The following PCDHA13 variants were observed in gnomAD, a reference collection of about 807,000 sequenced individuals.
The protein encoded by PCDHA13 is protocadherin alpha-13.
PCDHA13 carries 54 observed loss-of-function variants against 64.8 expected under a neutral mutation model. The ratio of observed to expected loss-of-function variants is 0.83; its 90% confidence interval spans 0.67 to 1.04. PCDHA13 has a LOEUF of 1.04. Among genes scored for constraint, PCDHA13 ranks in the 50% least tolerant of loss-of-function variants. The probability of loss-of-function intolerance (pLI) is 0.00; values close to 1 mark genes in which losing one functional copy is unlikely to be tolerated. For missense variants in PCDHA13, 1,248 were observed against 1,254.3 expected (o/e 0.99, Z 0.08); for synonymous variants, 587 against 564.4 (o/e 1.04, Z -0.57).
chr5:140,997,668 T>TTGTGTGTG lies in PCDHA13; in HGVS notation c.2543-11937_2543-11930dup, dbSNP rs35184029. 2.7e-3 allele frequency among the ~76,000 whole-genome samples: 400 copies of TTGTGTGTG among 148,342 alleles called. 5 individuals carry two copies. The East Asian group carries it at 0.038, about 14-fold the overall frequency. The stretch of plus-strand genomic sequence containing the variant: ...AATGCAATATGTATTATTATACAGC[T>TTGTGTGTG]TGTGTGTGTGTGTGTGTGTGTGTGT... On this transcript the variant is annotated intron_variant, in intron 3 of 3. Transcript: ENST00000289272.
chr5:140,883,503 C>T lies in PCDHA13; in HGVS notation c.1235C>T (p.Ala412Val), dbSNP rs782604086. 4.3e-6 allele frequency: 7 copies of T among 1,614,204 alleles called. No individual in the cohort carries two copies. Among genetic ancestry groups the T allele is most frequent in the Non-Finnish European group, 5.9e-6 (7 of 1,180,052 alleles). ...KNYYSLVLDS[A>V]LDRESVSAYE... ...TACTACTCATTAGTGCTGGACAGCG[C>T]CCTGGACCGCGAGAGCGTATCAGCC... Residue 412 changes from alanine to valine, a missense_variant, in exon 1 of 4, where the codon GCC (alanine) becomes GTC (valine). By Grantham distance (64) the Ala-to-Val change is moderately conservative. Coordinates refer to ENST00000289272, the MANE Select transcript of PCDHA13 (RefSeq NM_018904.3).
intron 1 of PCDHA13, among the ~76,000 whole-genome samples, chr5:140,950,672 C>A (rs76583571): frequency 0.016 from 2,473 of 152,120 alleles, 63 homozygotes; most frequent in African/African-American, 0.055. Context: ...CAAACATGTA[C>A]ATGTATATTG....
At chr5:140,946,976 G>A (rs2094064804) in intron 1 of PCDHA13, among the ~76,000 whole-genome samples, 1 of 151,532 alleles carries the variant, frequency 6.6e-6, no homozygotes, top group Admixed American at 6.6e-5. Context: ...ATAGAATAGA[G>A]GATTTTGAGT....
At chr5:140,998,591 T>A (rs2097823979) in intron 3 of PCDHA13, among the ~76,000 whole-genome samples, 1 of 150,884 alleles carries the variant, frequency 6.6e-6, no homozygotes, top group Non-Finnish European at 1.5e-5. Context: ...TGAGACAGAG[T>A]TTTGCTCTTG....
At chr5:140,902,551 C>G (rs1022882687) in intron 1 of PCDHA13, among the ~76,000 whole-genome samples, 1 of 151,956 alleles carries the variant, frequency 6.6e-6, no homozygotes, top group African/African-American at 2.4e-5. Context: ...CTTCTATACC[C>G]AGATTTTTGA....
At chr5:140,924,697 C>A (rs1443260109) in intron 1 of PCDHA13, among the ~76,000 whole-genome samples, 5 of 151,946 alleles carry the variant, frequency 3.3e-5, no homozygotes, top group Admixed American at 2.6e-4. Context: ...GAGTTCGAGA[C>A]CAGCTTGTGC....
At chr5:140,949,234 A>C (rs2094354068) in intron 1 of PCDHA13, among the ~76,000 whole-genome samples, 1 of 151,820 alleles carries the variant, frequency 6.6e-6, no homozygotes, top group South Asian at 2.1e-4. Flanking sequence ...TCTGTGGCCC[A>C]GCAACAGTCT....
chr5:141,004,682 T>G (rs1002761253), intron 3 of PCDHA13, among the ~76,000 whole-genome samples: 2 of 152,184 alleles, frequency 1.3e-5, no homozygotes, highest in South Asian at 4.1e-4. Flanking sequence ...TGTGGAGTGG[T>G]GCTGAAACCC....
chr5:140,996,976 G>T (rs573896136), intron 3 of PCDHA13, among the ~76,000 whole-genome samples: 1 of 151,960 alleles, frequency 6.6e-6, no homozygotes, highest in Non-Finnish European at 1.5e-5. Context: ...CTCCCCTTTG[G>T]TGAAGCAACC....
intron 1 of PCDHA13, among the ~76,000 whole-genome samples, chr5:140,901,940 T>A (rs1444811552): frequency 6.6e-6 from 1 of 152,172 alleles, no homozygotes; most frequent in Non-Finnish European, 1.5e-5. Context: ...CCTAGGTATA[T>A]TTAGTTTTAT....
chr5:140,973,362 A>G (rs2096583702), intron 1 of PCDHA13, among the ~76,000 whole-genome samples: 1 of 152,256 alleles, frequency 6.6e-6, no homozygotes, highest in Non-Finnish European at 1.5e-5. Flanking sequence ...ATTTATAAAA[A>G]TTGCACAATG....
At chr5:140,944,642 T>C (rs535941591) in intron 1 of PCDHA13, among the ~76,000 whole-genome samples, 35 of 152,342 alleles carry the variant, frequency 2.3e-4, no homozygotes, top group African/African-American at 7.9e-4. Context: ...CCAGTGTGGA[T>C]TGGGAGTCCA....
chr5:140,926,420 T>G, intron 1 of PCDHA13: 1 of 152,792 alleles, frequency 6.5e-6, no homozygotes, highest in Non-Finnish European at 1.5e-5. Context: ...GGGCAGAGGA[T>G]GTGGAGGTTA....
At chr5:140,945,206 A>G (rs148955371) in intron 1 of PCDHA13, among the ~76,000 whole-genome samples, 1 of 152,282 alleles carries the variant, frequency 6.6e-6, no homozygotes, top group East Asian at 1.9e-4. Context: ...TACAATAGCT[A>G]TGAGAAAATA....
chr5:140,932,101 T>G (rs1281828369), intron 1 of PCDHA13, among the ~76,000 whole-genome samples: 6 of 151,958 alleles, frequency 3.9e-5, no homozygotes, highest in Non-Finnish European at 8.8e-5. Context: ...TTTTTATCTC[T>G]GTATTTCCAA....
intron 1 of PCDHA13, among the ~76,000 whole-genome samples, chr5:140,973,778 T>C (rs910410874): frequency 3.9e-5 from 6 of 152,256 alleles, no homozygotes; most frequent in African/African-American, 1.4e-4. Context: ...ATATTATAGG[T>C]TGCCTATTGG....
At chr5:140,898,677 T>C (rs1197350501) in intron 1 of PCDHA13, among the ~76,000 whole-genome samples, 2 of 152,222 alleles carry the variant, frequency 1.3e-5, no homozygotes, top group Non-Finnish European at 2.9e-5. Flanking sequence ...TTGCGGGCTG[T>C]TTTTTGGTTC....
At chr5:140,982,665 A>T in intron 3 of PCDHA13, 102 bp downstream of exon 3, 1 of 1,465,322 alleles carries the variant, frequency 6.8e-7, no homozygotes, top group Non-Finnish European at 9.0e-7. Context: ...TTTCTTTTAT[A>T]TTTTTGTTAT....
intron 2 of PCDHA13, among the ~76,000 whole-genome samples, chr5:140,979,795 A>G (rs781835728): frequency 6.6e-6 from 1 of 152,264 alleles, no homozygotes. Flanking sequence ...GAAACAAATG[A>G]TCACAACTAT....
Sources: gnomAD v4.1 joint callset for allele counts (sites outside exome capture counted in the v4.1 genomes callset) on GRCh38, gnomAD v4.1.1 for gene constraint, MANE v1.5 for transcripts, NCBI Gene and HGNC (gene_info 2026-07-23, HGNC 2026-07-21) for gene names.